Variants in TDRD7 observed in about 807,000 individuals in gnomAD.
TDRD7 encodes tudor domain containing 7, also known as tudor domain-containing protein 7.
TDRD7 carries 47 observed loss-of-function variants against 109.8 expected under a neutral mutation model. The observed-to-expected ratio is 0.43, with a 90% CI of 0.34 to 0.55. The LOEUF is 0.55. Ranked by LOEUF, TDRD7 falls within the 20% of genes least tolerant of loss-of-function variation. The probability of loss-of-function intolerance (pLI) is 0.03; values close to 1 mark genes in which losing one functional copy is unlikely to be tolerated. For synonymous variants in TDRD7, 424 were observed against 457.3 expected, an observed-to-expected ratio of 0.93 and a Z score of 0.93; for missense variants, 1,164 against 1,319.2, an observed-to-expected ratio of 0.88 and a Z score of 1.82.
At chr9:97,464,236 C>T (rs1396231232) in intron 7 of TDRD7, among the ~76,000 whole-genome samples, 3 of 152,220 alleles carry the variant, frequency 2.0e-5, no homozygotes, top group Non-Finnish European at 4.4e-5. Context: ...CCTGAGGACA[C>T]TATCGCTGCT....
intron 1 of TDRD7, among the ~76,000 whole-genome samples, chr9:97,413,820 G>C (rs1018304944): frequency 2.0e-5 from 3 of 152,198 alleles, no homozygotes; most frequent in Non-Finnish European, 4.4e-5. Context: ...TTCAGTCTCT[G>C]TAGATTGAAA....
intron 16 of TDRD7, among the ~76,000 whole-genome samples, chr9:97,495,306 TGAAA>T (rs1473413017): frequency 6.6e-6 from 1 of 152,224 alleles, no homozygotes; most frequent in Non-Finnish European, 1.5e-5. Context: ...AAATTTTTAA[TGAAA>T]GAAATGTCAT....
intron 1 of TDRD7, among the ~76,000 whole-genome samples, chr9:97,418,583 T>G (rs1401224573): frequency 6.6e-6 from 1 of 152,008 alleles, no homozygotes; most frequent in Non-Finnish European, 1.5e-5. Flanking sequence ...GATCCCTGCT[T>G]GCAGCTGTTT....
chr9:97,491,078 G>A (rs1564218391), intron 16 of TDRD7, among the ~76,000 whole-genome samples: 1 of 151,858 alleles, frequency 6.6e-6, no homozygotes, highest in Non-Finnish European at 1.5e-5. Flanking sequence ...ACCACACCTG[G>A]CTAATTTTTG....
intron 14 of TDRD7, among the ~76,000 whole-genome samples, chr9:97,482,420 TA>T (rs1829131224): frequency 6.6e-6 from 1 of 152,234 alleles, no homozygotes; most frequent in South Asian, 2.1e-4. Flanking sequence ...AGAACGCTCA[TA>T]AATCATTTTG....
At chr9:97,444,502 T>C (rs1828366159) in intron 6 of TDRD7, among the ~76,000 whole-genome samples, 1 of 152,250 alleles carries the variant, frequency 6.6e-6, no homozygotes, top group Admixed American at 6.5e-5. Context: ...TATAACTTCT[T>C]CTTTTCACCT....
chr9:97,482,213 T>A (rs1829127732), intron 14 of TDRD7, among the ~76,000 whole-genome samples: 1 of 152,184 alleles, frequency 6.6e-6, no homozygotes, highest in South Asian at 2.1e-4. Flanking sequence ...TAAAACTAAT[T>A]TTGACCCGTT....
intron 6 of TDRD7, among the ~76,000 whole-genome samples, chr9:97,443,914 G>A (rs967602169): frequency 2.0e-5 from 3 of 152,044 alleles, no homozygotes; most frequent in Admixed American, 6.5e-5. Flanking sequence ...GGTTCTTAAT[G>A]TAATGTGTTT....
intron 1 of TDRD7, among the ~76,000 whole-genome samples, chr9:97,413,282 A>G (rs1827753568): frequency 6.6e-6 from 1 of 152,246 alleles, no homozygotes; most frequent in Admixed American, 6.5e-5. Context: ...TGTGTTGCAT[A>G]CTGCAAATAA....
chr9:97,458,524 G>A (rs4743098), intron 6 of TDRD7, among the ~76,000 whole-genome samples: 116,595 of 151,974 alleles, frequency 0.77, 45,076 homozygotes, highest in African/African-American at 0.86. Context: ...GGCTTAAAAT[G>A]AGGGACATAA....
At chr9:97,428,400 C>T in intron 1 of TDRD7, 60 bp from the exon 2 acceptor site, 1 of 1,521,432 alleles carries the variant, frequency 6.6e-7, no homozygotes, top group South Asian at 1.1e-5. Context: ...CTCTGAAAAT[C>T]TATTTGAATT....
At position 97,480,794 on chromosome 9, in the gene TDRD7, G is replaced by A. The variant is rs373195134; in HGVS notation, c.2302-34G>A. ...ACTCATAACTAGGTATTTTAACATG[G>A]TGTGTTCACTTTTCCATCATATTTT... On this transcript the variant is annotated intron_variant, in intron 13 of 16. Coordinates refer to ENST00000355295, the MANE Select transcript of TDRD7 (RefSeq NM_014290.3). The A allele has an allele frequency of 3.9e-6, 6 of 1,519,870 alleles. No individual in the cohort carries two copies. The Admixed American group carries it at 5.0e-5, about 13-fold the overall frequency. The allele number at this position is 1,519,870 out of a possible 1,614,324, so 94.1% of individuals were successfully genotyped here. A position where few individuals can be genotyped will look rare whatever the true frequency, so the allele number is the denominator to read the frequency against.
At chr9:97,480,462 A>G in intron 13 of TDRD7, 1 of 269,448 alleles carries the variant, frequency 3.7e-6, no homozygotes, top group South Asian at 4.6e-5. Flanking sequence ...TAGAGGGTAG[A>G]CCTTGATAAA....
At chr9:97,439,048 AC>A (rs1828250740) in intron 4 of TDRD7, among the ~76,000 whole-genome samples, 196 bp from the exon 5 acceptor site, 1 of 152,152 alleles carries the variant, frequency 6.6e-6, no homozygotes, top group African/African-American at 2.4e-5. Flanking sequence ...CTTTTAACAT[AC>A]TTTTCTCTGA....
intron 5 of TDRD7, among the ~76,000 whole-genome samples, chr9:97,441,009 ATGAT>A (rs1828293900): frequency 6.6e-6 from 1 of 152,186 alleles, no homozygotes; most frequent in South Asian, 2.1e-4. Flanking sequence ...TGAAAGATAA[ATGAT>A]TGATATTGGG....
intron 6 of TDRD7, among the ~76,000 whole-genome samples, chr9:97,455,771 G>T (rs1332514555): frequency 2.0e-5 from 3 of 152,160 alleles, no homozygotes; most frequent in Admixed American, 2.0e-4. Flanking sequence ...TACAAGATGA[G>T]GATGCCCTCT....
intron 1 of TDRD7, among the ~76,000 whole-genome samples, chr9:97,413,275 G>A (rs1435891234): frequency 6.6e-6 from 1 of 152,246 alleles, no homozygotes; most frequent in Non-Finnish European, 1.5e-5. Flanking sequence ...GTATGAATGT[G>A]TTGCATACTG....
chr9:97,495,145 C>T (rs922970348), intron 16 of TDRD7, among the ~76,000 whole-genome samples: 9 of 152,094 alleles, frequency 5.9e-5, no homozygotes, highest in African/African-American at 9.7e-5. Context: ...CCACACCACC[C>T]GATAGAGGAA....
chr9:97,480,883 A>T lies in TDRD7; in HGVS notation c.2357A>T (p.Asp786Val). Residue 786 changes from aspartate (D) to valine (V), a missense_variant, in exon 14 of 17, where the codon GAT becomes GTT. Transcript: ENST00000355295. ...CAATCTATTGGCATGTGGACACCAG[A>T]TGCAGTGCTGTGGTTAAGAGATTCT... ...LPQSIGMWTP[D>V]AVLWLRDSVL... The T allele has an allele frequency of 6.2e-7, 1 of 1,614,148 alleles. No individual in the cohort carries two copies. Among genetic ancestry groups the T allele is most frequent in the Non-Finnish European group, 8.5e-7 (1 of 1,180,000 alleles).
Sources: gnomAD v4.1 joint callset for allele counts (sites outside exome capture counted in the v4.1 genomes callset) on GRCh38, gnomAD v4.1.1 for gene constraint, MANE v1.5 for transcripts, NCBI Gene and HGNC (gene_info 2026-07-23, HGNC 2026-07-21) for gene names.